Variants in SUMO2 observed in about 807,000 individuals in gnomAD.
SUMO2 encodes small ubiquitin like modifier 2, also known as small ubiquitin-related modifier 2.
SUMO2 carries 1 observed loss-of-function variant against 16.0 expected under a neutral mutation model. The observed-to-expected ratio is 0.06, with a 90% CI of 0.02 to 0.30. The LOEUF is 0.30. Among genes scored for constraint, SUMO2 ranks in the 10% least tolerant of loss-of-function variants. SUMO2 has a pLI of 1.00. For missense variants in SUMO2, 16 were observed against 117.5 expected, an observed-to-expected ratio of 0.14 and a Z score of 3.99; for synonymous variants, 36 against 40.6, an observed-to-expected ratio of 0.89 and a Z score of 0.43.
chr17:75,172,771 G>A (rs777112418), intron 3 of SUMO2, among the ~76,000 whole-genome samples: 3 of 151,852 alleles, frequency 2.0e-5, no homozygotes, highest in Admixed American at 6.6e-5. Context: ...CACTGCGCCC[G>A]GCGATGCCTG....
intron 3 of SUMO2, among the ~76,000 whole-genome samples, chr17:75,173,949 T>C (rs2074761843): frequency 6.6e-6 from 1 of 152,190 alleles, no homozygotes; most frequent in Non-Finnish European, 1.5e-5. Flanking sequence ...GCATCACGTT[T>C]TGTAGTAAGG....
rs1441138209 is a variant in SUMO2, at chr17:75,166,712, G to A, written c.*1627C>T. On this transcript the variant is annotated 3_prime_UTR_variant, in exon 4 of 4. Coordinates refer to ENST00000420826, the MANE Select transcript of SUMO2 (RefSeq NM_006937.4). ...CAGGGAGGATCTCTTAAGACCTGGA[G>A]GTGGAGGTTGCAGTGAGCCAAGATC... 2.0e-5 allele frequency: 3 copies of A among 152,238 alleles called. No individual in the cohort carries two copies. The highest frequency in any genetic ancestry group is 6.6e-5 in the Admixed American group (1 of 15,262). 9.4% of individuals were successfully genotyped at this position (152,238 alleles called of 1,614,324 possible). A position where few individuals can be genotyped will look rare whatever the true frequency, so the allele number is the denominator to read the frequency against.
intron 3 of SUMO2, among the ~76,000 whole-genome samples, chr17:75,169,313 C>A (rs548998737): frequency 1.1e-4 from 17 of 152,066 alleles, no homozygotes; most frequent in African/African-American, 3.9e-4. Context: ...CTGAAGTGGG[C>A]GGGTCACCTG....
At position 75,166,662 on chromosome 17, in the gene SUMO2, G is replaced by A. The variant is rs984839078; in HGVS notation, c.*1677C>T. On this transcript the variant is annotated 3_prime_UTR_variant, in exon 4 of 4. Transcript: ENST00000420826. The stretch of plus-strand genomic sequence containing the variant: ...ATTAGCTGTGGTGGCATGCACCTGC[G>A]GTTCTAGCTACTCACGAGGCTGAGC... 2.0e-5 allele frequency: 3 copies of A among 152,034 alleles called. No homozygotes were observed. Among genetic ancestry groups the A allele is most frequent in the South Asian group, 2.1e-4 (1 of 4,802 alleles). 9.4% of individuals were successfully genotyped at this position (152,034 alleles called of 1,614,324 possible). A position where few individuals can be genotyped will look rare whatever the true frequency, so the allele number is the denominator to read the frequency against.
intron 2 of SUMO2, among the ~76,000 whole-genome samples, chr17:75,175,855 A>G (rs2074778477): frequency 6.6e-6 from 1 of 151,176 alleles, no homozygotes; most frequent in African/African-American, 2.4e-5. Flanking sequence ...CTGATCTCGA[A>G]CTCCTGACCT....
At chr17:75,180,632 C>T (rs927875355) in intron 2 of SUMO2, among the ~76,000 whole-genome samples, 1 of 151,924 alleles carries the variant, frequency 6.6e-6, no homozygotes, top group Admixed American at 6.6e-5. Flanking sequence ...GCAGGAAAAT[C>T]GCTTGAAGTG....
Position 75,166,188 on chromosome 17 carries a change from A to G in SUMO2, c.*2151T>C, listed in dbSNP as rs898402632. On this transcript the variant is annotated 3_prime_UTR_variant, in exon 4 of 4. Coordinates refer to ENST00000420826, the MANE Select transcript of SUMO2 (RefSeq NM_006937.4). Reference sequence around the variant, plus strand: ...CCCACCTCTAATTTAAAAATAATAAAAATTTGGCCGGGCACAGTGGCTCAA... The same window carrying G: ...CCCACCTCTAATTTAAAAATAATAAGAATTTGGCCGGGCACAGTGGCTCAA... 1 of 150,328 alleles carries G rather than the reference A, an allele frequency of 6.7e-6. No individual in the cohort carries two copies. Among genetic ancestry groups the G allele is most frequent in the African/African-American group, 2.5e-5 (1 of 40,796 alleles). The allele number at this position is 150,328 out of a possible 1,614,324, so 9.3% of individuals were successfully genotyped here. A position where few individuals can be genotyped will look rare whatever the true frequency, so the allele number is the denominator to read the frequency against.
intron 2 of SUMO2, among the ~76,000 whole-genome samples, 161 bp downstream of exon 2, chr17:75,180,896 G>A (rs982394733): frequency 2.0e-5 from 3 of 151,998 alleles, no homozygotes; most frequent in Non-Finnish European, 2.9e-5. Context: ...GGGTTTTCAC[G>A]AGCTATCAAT....
chr17:75,171,834 T>C (rs182274650), intron 3 of SUMO2, among the ~76,000 whole-genome samples: 50 of 152,192 alleles, frequency 3.3e-4, no homozygotes, highest in African/African-American at 1.2e-3. Flanking sequence ...CAATAGATAC[T>C]TTTTACTATT....
In SUMO2 at chr17:75,181,206, A is replaced by C; in HGVS notation, c.22-18T>G. On this transcript the variant is annotated intron_variant, in intron 1 of 3. Coordinates refer to ENST00000420826, the MANE Select transcript of SUMO2 (RefSeq NM_006937.4). ...ACTCCTTCCTGTTAAAAGAAAAATA[A>C]AAGTATAATTTGGGAAATGTGATCA... The C allele has an allele frequency of 6.2e-7, 1 of 1,611,176 alleles. No individual in the cohort carries two copies. The highest frequency in any genetic ancestry group is 8.5e-7 in the Non-Finnish European group (1 of 1,178,966).
chr17:75,173,605 G>A (rs2074759106), intron 3 of SUMO2, among the ~76,000 whole-genome samples: 1 of 151,756 alleles, frequency 6.6e-6, no homozygotes, highest in Admixed American at 6.6e-5. Context: ...CTAAGAAGTA[G>A]CTGGTACTAC....
chr17:75,182,912 A>C lies in SUMO2; in HGVS notation c.-78T>G. On this transcript the variant is annotated 5_prime_UTR_variant, in exon 1 of 4. Transcript: ENST00000420826. The stretch of plus-strand genomic sequence containing the variant: ...CGCACCAAACGAGCACACAAGCAGC[A>C]CCAGGAGCGGCAGAAGAAGGAGGCG... 1.6e-6 allele frequency: 2 copies of C among 1,219,780 alleles called. No homozygotes were observed. Among genetic ancestry groups the C allele is most frequent in the Non-Finnish European group, 2.1e-6 (2 of 952,702 alleles). The allele number at this position is 1,219,780 out of a possible 1,614,324, so 75.6% of individuals were successfully genotyped here. A position where few individuals can be genotyped will look rare whatever the true frequency, so the allele number is the denominator to read the frequency against.
At chr17:75,178,525 A>T (rs999970053) in intron 2 of SUMO2, among the ~76,000 whole-genome samples, 1 of 151,352 alleles carries the variant, frequency 6.6e-6, no homozygotes, top group Admixed American at 6.6e-5. Context: ...AAAAAAAAAA[A>T]AAGAAAAGAA....
intron 2 of SUMO2, among the ~76,000 whole-genome samples, chr17:75,176,269 AC>A (rs1441228874): frequency 3.3e-5 from 5 of 151,958 alleles, no homozygotes; most frequent in Admixed American, 6.6e-5. Context: ...CAATTTCCTG[AC>A]CTCGTGATCC....
chr17:75,175,965 T>G (rs1337831885), intron 2 of SUMO2, among the ~76,000 whole-genome samples: 1 of 152,162 alleles, frequency 6.6e-6, no homozygotes, highest in Non-Finnish European at 1.5e-5. Context: ...CTTTACTGCT[T>G]TTCAGACACA....
chr17:75,176,744 T>C (rs1172278759), intron 2 of SUMO2, among the ~76,000 whole-genome samples: 1 of 152,188 alleles, frequency 6.6e-6, no homozygotes, highest in Admixed American at 6.5e-5. Flanking sequence ...TGTAATTACT[T>C]ACTGTCTTAC....
intron 1 of SUMO2, 84 bp from the exon 2 acceptor site, chr17:75,181,272 CAAA>C (rs1490334115): frequency 1.4e-6 from 2 of 1,382,430 alleles, no homozygotes; most frequent in Non-Finnish European, 1.0e-6. Flanking sequence ...CTAGTTGCTT[CAAA>C]AATCAACAGG....
intron 2 of SUMO2, among the ~76,000 whole-genome samples, chr17:75,177,748 G>T (rs1244102772): frequency 5.9e-5 from 9 of 151,914 alleles, no homozygotes; most frequent in Non-Finnish European, 8.8e-5. Flanking sequence ...ACTTTGGGAG[G>T]CCGAGGTGGC....
At chr17:75,181,749 TACTC>T (rs1469568390) in intron 1 of SUMO2, among the ~76,000 whole-genome samples, 2 of 152,056 alleles carry the variant, frequency 1.3e-5, no homozygotes, top group African/African-American at 4.8e-5. Context: ...ACAGCGGTAA[TACTC>T]AGTCAGGACC....
Sources: gnomAD v4.1 joint callset for allele counts (sites outside exome capture counted in the v4.1 genomes callset) on GRCh38, gnomAD v4.1.1 for gene constraint, MANE v1.5 for transcripts, NCBI Gene and HGNC (gene_info 2026-07-23, HGNC 2026-07-21) for gene names.